STAB2: variants seen among roughly 807,000 people sequenced by gnomAD.
STAB2 encodes the protein stabilin 2.
In STAB2, 288 loss-of-function variants were observed where a neutral mutation model predicts 338.1. The observed-to-expected ratio is 0.85, with a 90% CI of 0.77 to 0.94. STAB2 has a LOEUF of 0.94. Among genes scored for constraint, STAB2 ranks in the 40% least tolerant of loss-of-function variants. The pLI is 0.00. For synonymous variants in STAB2, 1,202 were observed against 1,193.3 expected (o/e 1.01, Z -0.15); for missense variants, 3,141 against 3,210.1 (o/e 0.98, Z 0.52).
rs531015972 is a variant in STAB2 at position 103,705,798 on chromosome 12, T to A, written c.3996+71T>A. On this transcript the variant is annotated intron_variant, in intron 37 of 68. Transcript: ENST00000388887. Reference sequence around the variant, plus strand: ...GAAAATCCATCATATGGTATCCTTTTCAAAATCCCTGTGCAGGTATGCTTT... The same window carrying A: ...GAAAATCCATCATATGGTATCCTTTACAAAATCCCTGTGCAGGTATGCTTT... The A allele has an allele frequency of 3.7e-5, 54 of 1,440,924 alleles. 1 individual carries two copies. The Admixed American group carries it at 7.1e-4, about 19-fold the overall frequency. The allele number at this position is 1,440,924 out of a possible 1,614,324, so 89.3% of individuals were successfully genotyped here.
rs146662671 is a variant in STAB2 at position 103,726,286 on chromosome 12, C to T, written c.4851+123C>T. On this transcript the variant is annotated intron_variant, in intron 46 of 68. Coordinates refer to ENST00000388887, the MANE Select transcript of STAB2 (RefSeq NM_017564.10). The stretch of plus-strand genomic sequence containing the variant: ...GGCAGATTGCCTGAGCTCAGGAGTT[C>T]GAGACCAGTCTGGGGAACATGGCAA... 1,299 of 899,534 alleles carry T rather than the reference C, an allele frequency of 1.4e-3. 12 individuals carry two copies. The African/African-American group carries it at 0.019, about 13-fold the overall frequency. 55.7% of individuals were successfully genotyped at this position (899,534 alleles called of 1,614,324 possible). A position where few individuals can be genotyped will look rare whatever the true frequency, so the allele number is the denominator to read the frequency against.
At chr12:103,623,862 A>G (rs1957341050) in intron 5 of STAB2, among the ~76,000 whole-genome samples, 1 of 152,184 alleles carries the variant, frequency 6.6e-6, no homozygotes, top group Admixed American at 6.5e-5. Flanking sequence ...CCTAAGGTTC[A>G]CACAAAACCC....
At chr12:103,746,971 T>C (rs56249395) in intron 58 of STAB2, among the ~76,000 whole-genome samples, 10,273 of 120,244 alleles carry the variant, frequency 0.085, 564 homozygotes, top group East Asian at 0.2. Flanking sequence ...TTTTTTTTTT[T>C]CCGAGATGGA....
chr12:103,653,778 G>A (rs973889902), intron 12 of STAB2, among the ~76,000 whole-genome samples: 20 of 150,638 alleles, frequency 1.3e-4, no homozygotes, highest in African/African-American at 4.4e-4. Flanking sequence ...ATGGATGGAT[G>A]GATACATGGA....
chr12:103,678,652 G>A (rs1360994214), intron 25 of STAB2, among the ~76,000 whole-genome samples: 4 of 151,958 alleles, frequency 2.6e-5, no homozygotes, highest in Admixed American at 6.5e-5. Flanking sequence ...TCAGCCTCCC[G>A]AGTAGCTGGG....
intron 6 of STAB2, among the ~76,000 whole-genome samples, chr12:103,633,748 A>T (rs538825138): frequency 6.6e-6 from 1 of 152,224 alleles, no homozygotes; most frequent in Non-Finnish European, 1.5e-5. Flanking sequence ...CGTTACATAC[A>T]TACTTATTAA....
chr12:103,633,555 G>A (rs896812478), intron 6 of STAB2, among the ~76,000 whole-genome samples: 3 of 152,142 alleles, frequency 2.0e-5, no homozygotes, highest in Admixed American at 1.3e-4. Context: ...GATGGCGGGC[G>A]CCTGTAATCC....
At position 103,762,329 on chromosome 12, in the gene STAB2, C is replaced by T. The variant is rs769903657; in HGVS notation, c.7415C>T (p.Thr2472Ile). 2 of 1,614,250 alleles carry T rather than the reference C, an allele frequency of 1.2e-6. No homozygotes were observed. The highest frequency in any genetic ancestry group is 3.3e-5 in the Admixed American group (2 of 60,026). Residue 2472 changes from threonine to isoleucine, a missense_variant, in exon 67 of 69, where the codon ACT (threonine) becomes ATT (isoleucine). Transcript: ENST00000388887. ...ATCTTCTTTGCCATCATCCTGGTGACTGGGGCTGTTGCCTTGGCTGCTTAC... is the reference window on the plus strand; with the variant it reads ...ATCTTCTTTGCCATCATCCTGGTGATTGGGGCTGTTGCCTTGGCTGCTTAC... ...AGIFFAIILV[T>I]GAVALAAYSY...
At chr12:103,647,029 G>T (rs1449422411) in intron 9 of STAB2, among the ~76,000 whole-genome samples, 2 of 152,216 alleles carry the variant, frequency 1.3e-5, no homozygotes, top group Non-Finnish European at 2.9e-5. Context: ...AGCGCTGCTG[G>T]AATTTTCAGT....
At chr12:103,754,721 G>A (rs936664120) in intron 61 of STAB2, among the ~76,000 whole-genome samples, 2 of 152,084 alleles carry the variant, frequency 1.3e-5, no homozygotes, top group African/African-American at 4.8e-5. Context: ...AGCCAGAGGC[G>A]GGTGGATCAC....
At chr12:103,597,734 G>T (rs703601) in intron 3 of STAB2, among the ~76,000 whole-genome samples, 62,686 of 151,758 alleles carry the variant, frequency 0.41, 14,554 homozygotes, top group East Asian at 0.62. Context: ...CTGAACAGCC[G>T]ATATTCTATT....
At chr12:103,638,891 G>T (rs1291815209) in intron 8 of STAB2, among the ~76,000 whole-genome samples, 1 of 152,202 alleles carries the variant, frequency 6.6e-6, no homozygotes. Flanking sequence ...GGGTATTGCT[G>T]CACAGGTAGG....
intron 7 of STAB2, 94 bp downstream of exon 7, chr12:103,637,330 C>A (rs1015150674): frequency 6.8e-7 from 1 of 1,481,400 alleles, no homozygotes; most frequent in Non-Finnish European, 9.0e-7. Flanking sequence ...AACACAATGA[C>A]CATTTCTATT....
chr12:103,611,206 G>A (rs567734205), intron 3 of STAB2, among the ~76,000 whole-genome samples: 12 of 152,206 alleles, frequency 7.9e-5, no homozygotes, highest in East Asian at 5.8e-4. Context: ...TATTAGGTCC[G>A]CATGGTGCAG....
intron 34 of STAB2, 70 bp downstream of exon 34, chr12:103,699,297 G>A: frequency 1.3e-6 from 2 of 1,536,776 alleles, no homozygotes; most frequent in Non-Finnish European, 8.8e-7. Context: ...TGAGGAATGA[G>A]TGTCTTGGCT....
chr12:103,601,371 A>G (rs1018468689), intron 3 of STAB2, among the ~76,000 whole-genome samples: 1 of 152,200 alleles, frequency 6.6e-6, no homozygotes, highest in Non-Finnish European at 1.5e-5. Flanking sequence ...GAGGGCAGAT[A>G]TCTTGAGGTC....
intron 34 of STAB2, 96 bp from the exon 35 acceptor site, chr12:103,703,052 T>C: frequency 7.4e-7 from 1 of 1,344,958 alleles, no homozygotes; most frequent in Non-Finnish European, 1.0e-6. Flanking sequence ...TTGTAATATC[T>C]CCTAGGCAAT....
intron 1 of STAB2, 118 bp downstream of exon 1, chr12:103,587,675 AGAATG>A: frequency 1.2e-6 from 1 of 836,178 alleles, no homozygotes; most frequent in Non-Finnish European, 1.9e-6. Flanking sequence ...TAAAATACAG[AGAATG>A]TTTTTGGAGA....
Position 103,656,714 on chromosome 12 carries a change from C to T in STAB2, c.1734+1133C>T, listed in dbSNP as rs1304497632. On this transcript the variant is annotated intron_variant, in intron 15 of 68. Transcript: ENST00000388887. ...TTTTTTTTTGAGACGGAGTCTCGCTCTGTCGCCCAGGCCGGACTGCGGACT... is the reference window on the plus strand; with the variant it reads ...TTTTTTTTTGAGACGGAGTCTCGCTTTGTCGCCCAGGCCGGACTGCGGACT... 3.6e-5 allele frequency among the ~76,000 whole-genome samples: 5 copies of T among 137,950 alleles called. No homozygotes were observed. In the East Asian group the frequency reaches 1.0e-3, roughly 29 times the overall value. The allele number at this position is 137,950 out of a possible 152,430, so 90.5% of individuals were successfully genotyped here.
Sources: gnomAD v4.1 joint callset for allele counts (sites outside exome capture counted in the v4.1 genomes callset) on GRCh38, gnomAD v4.1.1 for gene constraint, MANE v1.5 for transcripts, NCBI Gene and HGNC (gene_info 2026-07-23, HGNC 2026-07-21) for gene names.